The following ARMH4 variants were observed in gnomAD, a reference collection of about 807,000 sequenced individuals.
The protein encoded by ARMH4 is armadillo-like helical domain-containing protein 4.
In ARMH4, 49 loss-of-function variants were observed where a neutral mutation model predicts 61.9. The observed-to-expected ratio is 0.79, with a 90% CI of 0.63 to 1.00. The LOEUF is 1.00. Among genes scored for constraint, ARMH4 ranks in the 50% least tolerant of loss-of-function variants. The pLI, the probability that ARMH4 is intolerant of heterozygous loss-of-function variation, is 0.00. For synonymous variants in ARMH4, 368 were observed against 341.5 expected, an observed-to-expected ratio of 1.08 and a Z score of -0.85; for missense variants, 934 against 930.0, an observed-to-expected ratio of 1.00 and a Z score of -0.06.
chr14:58,150,707 T>C (rs919767576), intron 1 of ARMH4, among the ~76,000 whole-genome samples: 1 of 152,098 alleles, frequency 6.6e-6, no homozygotes, highest in Non-Finnish European at 1.5e-5. Flanking sequence ...ATATCAAATC[T>C]GTCTGCTGCA....
chr14:58,085,852 C>T lies in ARMH4; in HGVS notation c.2089+10872G>A, dbSNP rs963407608. On this transcript the variant is annotated intron_variant, in intron 5 of 7. Transcript: ENST00000267485. ...AACTTTGGTACCATTAACCCAACAG[C>T]TCCTACAGGGCATTAAAGAAACAAA... Among the ~76,000 whole-genome samples the T allele has an allele frequency of 2.0e-5, 3 of 152,198 alleles. No homozygotes were observed. In the East Asian group the frequency reaches 5.8e-4, roughly 29 times the overall value.
intron 4 of ARMH4, among the ~76,000 whole-genome samples, chr14:58,107,763 C>CAAAAAAA (rs34507217): frequency 1.0e-5 from 1 of 97,338 alleles, no homozygotes; most frequent in South Asian, 3.5e-4. Flanking sequence ...GACTCCATCT[C>CAAAAAAA]AAAAAAAAAA....
intron 4 of ARMH4, among the ~76,000 whole-genome samples, chr14:58,123,004 C>G (rs1218209177): frequency 1.3e-5 from 2 of 152,170 alleles, no homozygotes; most frequent in Non-Finnish European, 1.5e-5. Context: ...CTGGCACAGC[C>G]TTCTCGGTCT....
intron 5 of ARMH4, among the ~76,000 whole-genome samples, chr14:58,059,692 T>C (rs1162710222): frequency 6.6e-6 from 1 of 152,212 alleles, no homozygotes; most frequent in African/African-American, 2.4e-5. Flanking sequence ...AATTCTCTCT[T>C]TGTATGGCAT....
At chr14:58,128,220 C>T (rs1886966706) in intron 4 of ARMH4, among the ~76,000 whole-genome samples, 1 of 152,174 alleles carries the variant, frequency 6.6e-6, no homozygotes, top group African/African-American at 2.4e-5. Context: ...AGTTAACCCA[C>T]ATAAATTCCA....
chr14:58,079,094 T>G (rs546509427), intron 5 of ARMH4, among the ~76,000 whole-genome samples: 1 of 152,326 alleles, frequency 6.6e-6, no homozygotes, highest in African/African-American at 2.4e-5. Flanking sequence ...GGCACACCCT[T>G]AGGCTTCCTT....
chr14:58,139,401 C>T lies in ARMH4; in HGVS notation c.-43G>A. 1 of 1,576,790 alleles carries T rather than the reference C, an allele frequency of 6.3e-7. No homozygotes were observed. Among genetic ancestry groups the T allele is most frequent in the African/African-American group, 1.3e-5 (1 of 74,160 alleles). On this transcript the variant is annotated 5_prime_UTR_variant, in exon 2 of 8. Coordinates refer to ENST00000267485, the MANE Select transcript of ARMH4 (RefSeq NM_001001872.4). The stretch of plus-strand genomic sequence containing the variant: ...ACGTACACTGGCAGAGTTGACAAGT[C>T]CAGTAATTGAATCCTGCAGAAAAAT...
At chr14:58,071,576 CT>C (rs796077577) in intron 5 of ARMH4, among the ~76,000 whole-genome samples, 24 of 148,216 alleles carry the variant, frequency 1.6e-4, no homozygotes, top group Middle Eastern at 3.5e-3. Context: ...GAAACTGAAG[CT>C]TTTTTTTTTA....
intron 5 of ARMH4, among the ~76,000 whole-genome samples, chr14:58,013,914 C>T (rs1410104471): frequency 6.6e-6 from 1 of 151,980 alleles, no homozygotes; most frequent in African/African-American, 2.4e-5. Context: ...GTAATCGCAG[C>T]TCAGGAGACT....
chr14:58,003,392 T>C lies in ARMH4; in HGVS notation c.*1344A>G, dbSNP rs1882046351. ...ATAAAAACATATGTCCTACCTCACA[T>C]AGTAGCTCTGAGGAATAACTGTGCA... On this transcript the variant is annotated 3_prime_UTR_variant, in exon 8 of 8. Transcript: ENST00000267485. 6.6e-6 allele frequency: 1 copy of C among 152,230 alleles called. No homozygotes were observed. The highest frequency in any genetic ancestry group is 2.4e-5 in the African/African-American group (1 of 41,472). The allele number at this position is 152,230 out of a possible 1,614,324, so 9.4% of individuals were successfully genotyped here.
intron 5 of ARMH4, among the ~76,000 whole-genome samples, chr14:58,068,292 G>A (rs1884769369): frequency 6.6e-6 from 1 of 151,746 alleles, no homozygotes; most frequent in East Asian, 1.9e-4. Context: ...ACTAAAGGAA[G>A]CATTAATATT....
intron 6 of ARMH4, among the ~76,000 whole-genome samples, chr14:58,007,820 A>T (rs1293911325): frequency 6.6e-6 from 1 of 152,246 alleles, no homozygotes; most frequent in African/African-American, 2.4e-5. Flanking sequence ...CCAATGTATT[A>T]TTCCAACCAG....
chr14:58,063,665 T>C (rs1884606411), intron 5 of ARMH4, among the ~76,000 whole-genome samples: 1 of 152,198 alleles, frequency 6.6e-6, no homozygotes, highest in Admixed American at 6.5e-5. Context: ...GAGAAGGACA[T>C]GGCTGAACAA....
At chr14:58,086,063 G>A (rs533055913) in intron 5 of ARMH4, among the ~76,000 whole-genome samples, 1 of 152,154 alleles carries the variant, frequency 6.6e-6, no homozygotes, top group Admixed American at 6.5e-5. Context: ...TGCAATAGTT[G>A]TTTTCATTCT....
intron 5 of ARMH4, among the ~76,000 whole-genome samples, chr14:58,038,454 A>C (rs982744120): frequency 7.4e-6 from 1 of 134,758 alleles, no homozygotes; most frequent in African/African-American, 2.7e-5. Context: ...CTAATGCTAG[A>C]TGACACGTTA....
intron 4 of ARMH4, among the ~76,000 whole-genome samples, chr14:58,125,752 A>G (rs1416946889): frequency 6.6e-6 from 1 of 152,190 alleles, no homozygotes; most frequent in African/African-American, 2.4e-5. Flanking sequence ...TTCAGCAGGA[A>G]GCAGTTAGAA....
rs528392021 is a variant in ARMH4, at chr14:58,004,523, A to G, written c.*213T>C. On this transcript the variant is annotated 3_prime_UTR_variant, in exon 8 of 8. Transcript: ENST00000267485. ...AGCCCACGGTTGTGGAAAATTCACT[A>G]CAGAATAAAACCAAATACTGCATGA... 5.6e-4 allele frequency: 239 copies of G among 423,084 alleles called. 1 individual carries two copies. Among genetic ancestry groups the G allele is most frequent in the African/African-American group, 4.2e-3 (209 of 50,342 alleles). The allele number at this position is 423,084 out of a possible 1,614,324, so 26.2% of individuals were successfully genotyped here. A position where few individuals can be genotyped will look rare whatever the true frequency, so the allele number is the denominator to read the frequency against.
At chr14:58,006,127 G>A (rs1182771573) in intron 6 of ARMH4, among the ~76,000 whole-genome samples, 1 of 152,006 alleles carries the variant, frequency 6.6e-6, no homozygotes, top group Non-Finnish European at 1.5e-5. Flanking sequence ...TCAGGGAAAG[G>A]CCATTGTACT....
In ARMH4 at chr14:58,001,548, A is replaced by G. The variant is rs1881984625; in HGVS notation, c.*3188T>C. ...AGTATACAAGGATTCCAATTTCTCC[A>G]CATCCTCAGAAACAATTGTTATATT... On this transcript the variant is annotated 3_prime_UTR_variant, in exon 8 of 8. Transcript: ENST00000267485. 1 of 152,152 alleles carries G rather than the reference A, an allele frequency of 6.6e-6. No individual in the cohort carries two copies. The highest frequency in any genetic ancestry group is 2.4e-5 in the African/African-American group (1 of 41,450). The allele number at this position is 152,152 out of a possible 1,614,324, so 9.4% of individuals were successfully genotyped here. A position where few individuals can be genotyped will look rare whatever the true frequency, so the allele number is the denominator to read the frequency against.
Sources: allele counts gnomAD v4.1 joint callset (sites outside exome capture counted in the v4.1 genomes callset), GRCh38; gene constraint gnomAD v4.1.1; transcripts MANE v1.5; gene names NCBI Gene and HGNC (gene_info 2026-07-23, HGNC 2026-07-21).